GALNT15: variants seen among roughly 807,000 people sequenced by gnomAD.
GALNT15 encodes polypeptide N-acetylgalactosaminyltransferase 15.
In GALNT15, 67 loss-of-function variants were observed where a neutral mutation model predicts 66.8. The ratio of observed to expected loss-of-function variants is 1.00; its 90% confidence interval spans 0.82 to 1.23. The LOEUF (loss-of-function observed/expected upper bound fraction) is 1.23, where lower values mean the gene tolerates loss of function less well. Among genes scored for constraint, GALNT15 ranks in the 50% most tolerant of loss-of-function variants. The pLI is 0.00. For missense variants in GALNT15, 827 were observed against 804.3 expected, an observed-to-expected ratio of 1.03 and a Z score of -0.34; for synonymous variants, 313 against 311.5, an observed-to-expected ratio of 1.00 and a Z score of -0.05.
At chr3:16,239,313 C>T in the GALNT15 span, among the ~76,000 whole-genome samples, 2 of 152,128 alleles carry the variant, frequency 1.3e-5, no homozygotes, top group African/African-American at 2.4e-5. This position sits in a 1 kb window ranked among gnomAD's most constrained non-coding sequence, Gnocchi z 5.2. Flanking sequence ...GTTCTGCAAA[C>T]CAGGAAGTGG....
At chr3:16,226,557 G>A (rs1359908771) in intron 9 of GALNT15, among the ~76,000 whole-genome samples, 1 of 152,136 alleles carries the variant, frequency 6.6e-6, no homozygotes, top group Non-Finnish European at 1.5e-5. Context: ...GAAGGAGGAG[G>A]TGCTACACAC....
rs1254053132 is a variant in GALNT15, at chr3:16,224,028, A to C, written c.1773+1270A>C. The stretch of plus-strand genomic sequence containing the variant: ...CTTATGAGTCAAGTTAAGGTCCTTT[A>C]TAAATGATCATAAAGTATTTTTCTA... On this transcript the variant is annotated intron_variant, in intron 9 of 9. Transcript: ENST00000339732. The surrounding 1 kb of genome is among the most constrained non-coding windows in gnomAD (Gnocchi z 5.2). Among the ~76,000 whole-genome samples, 1 of 152,224 alleles carries C rather than the reference A, an allele frequency of 6.6e-6. No individual in the cohort carries two copies. Among genetic ancestry groups the C allele is most frequent in the East Asian group, 1.9e-4 (1 of 5,204 alleles).
In GALNT15 at chr3:16,227,408, G is replaced by A; in HGVS notation, c.1828G>A (p.Glu610Lys). 3 of 1,614,070 alleles carry A rather than the reference G, an allele frequency of 1.9e-6. No homozygotes were observed. Among genetic ancestry groups the A allele is most frequent in the Non-Finnish European group, 2.5e-6 (3 of 1,179,992 alleles). ...GAAATGCATGGAAGCTGTGGTGCAAGAAAACAATAAAGATTTGTACCTGCG... is the reference window on the plus strand; with the variant it reads ...GAAATGCATGGAAGCTGTGGTGCAAAAAAACAATAAAGATTTGTACCTGCG... ...SGKCMEAVVQ[E>K]NNKDLYLRPC... Residue 610 changes from glutamate (E) to lysine (K), a missense_variant, in exon 10 of 10, where the codon GAA (glutamate) becomes AAA (lysine). Physicochemically the swap from Glu to Lys is moderately conservative, Grantham distance 56 (BLOSUM62 1). Transcript: ENST00000339732. This position sits in a 1 kb window ranked among gnomAD's most constrained non-coding sequence, Gnocchi z 4.5.
chr3:16,190,920 C>T (rs2063570201), intron 1 of GALNT15, among the ~76,000 whole-genome samples: 1 of 152,198 alleles, frequency 6.6e-6, no homozygotes, highest in African/African-American at 2.4e-5. Flanking sequence ...CGGTTTACGT[C>T]TTGAAGGCTG....
chr3:16,232,465 AATAAATATATATATAT>A (rs1348622023), downstream of GALNT15, among the ~76,000 whole-genome samples: 3 of 28,642 alleles, frequency 1.0e-4, no homozygotes, highest in East Asian at 1.9e-3. Flanking sequence ...TAAATAAATA[AATAAATATATATATAT>A]ATATATATAT....
chr3:16,198,173 C>T (rs546001160), intron 2 of GALNT15, among the ~76,000 whole-genome samples: 1 of 142,102 alleles, frequency 7.0e-6, no homozygotes, highest in East Asian at 2.1e-4. Context: ...GGTGTGACAG[C>T]TCCACAATGC....
intron 6 of GALNT15, among the ~76,000 whole-genome samples, chr3:16,213,920 C>T (rs969279161): frequency 2.6e-5 from 4 of 152,246 alleles, no homozygotes; most frequent in Admixed American, 2.6e-4. Context: ...TGGGAATAGC[C>T]TCCAGGGCCT....
In GALNT15 at chr3:16,227,956, C is replaced by T. The variant is rs2064041059; in HGVS notation, c.*456C>T. The T allele has an allele frequency of 1.0e-6, 1 of 993,640 alleles. No homozygotes were observed. The highest frequency in any genetic ancestry group is 1.2e-6 in the Non-Finnish European group (1 of 835,580). 61.6% of individuals were successfully genotyped at this position (993,640 alleles called of 1,614,324 possible). A position where few individuals can be genotyped will look rare whatever the true frequency, so the allele number is the denominator to read the frequency against. On this transcript the variant is annotated 3_prime_UTR_variant, in exon 10 of 10. Transcript: ENST00000339732. This position sits in a 1 kb window ranked among gnomAD's most constrained non-coding sequence, Gnocchi z 4.5. ...GAAGCAGATGTAATGGCCTGACATT[C>T]CAAAAACTCTGAATTGGGTTTATTA...
chr3:16,223,691 C>CTTTTT (rs11293776), intron 9 of GALNT15, among the ~76,000 whole-genome samples: 1 of 124,652 alleles, frequency 8.0e-6, no homozygotes, highest in African/African-American at 3.0e-5. Flanking sequence ...TCAAAGAAGT[C>CTTTTT]TTTTTTTTTT....
Position 16,227,214 on chromosome 3 carries a change from A to C in GALNT15, c.1774-140A>C. The stretch of plus-strand genomic sequence containing the variant: ...ACCTAATTTATATTTTATGTTGATC[A>C]AAATACCACAATTCCTTTCCAGGCC... On this transcript the variant is annotated intron_variant, in intron 9 of 9. Coordinates refer to ENST00000339732, the MANE Select transcript of GALNT15 (RefSeq NM_054110.5). This position sits in a 1 kb window ranked among gnomAD's most constrained non-coding sequence, Gnocchi z 4.5. The C allele has an allele frequency of 1.1e-6, 1 of 907,856 alleles. No individual in the cohort carries two copies. Among genetic ancestry groups the C allele is most frequent in the East Asian group, 2.6e-5 (1 of 37,974 alleles). 56.2% of individuals were successfully genotyped at this position (907,856 alleles called of 1,614,324 possible).
the GALNT15 span, among the ~76,000 whole-genome samples, chr3:16,243,324 A>C: frequency 6.6e-6 from 1 of 152,230 alleles, no homozygotes; most frequent in East Asian, 1.9e-4. Context: ...AGGATGCGAC[A>C]CTGGACACCG....
At chr3:16,241,375 G>A in the GALNT15 span, among the ~76,000 whole-genome samples, 1 of 152,126 alleles carries the variant, frequency 6.6e-6, no homozygotes, top group Non-Finnish European at 1.5e-5. The surrounding 1 kb of genome is among the most constrained non-coding windows in gnomAD (Gnocchi z 4.6). Context: ...AGACACTGAA[G>A]AGGTCTTATT....
chr3:16,194,554 ATAG>A (rs1424267111), intron 1 of GALNT15, among the ~76,000 whole-genome samples: 2 of 152,228 alleles, frequency 1.3e-5, no homozygotes, highest in African/African-American at 4.8e-5. Flanking sequence ...AGCACTATTC[ATAG>A]TAGTGAAGTC....
At position 16,183,699 on chromosome 3, in the gene GALNT15, A is replaced by G. The variant is rs1325014813; in HGVS notation, c.539+8009A>G. Among the ~76,000 whole-genome samples the G allele has an allele frequency of 6.6e-6, 1 of 152,112 alleles. No homozygotes were observed. Among genetic ancestry groups the G allele is most frequent in the Admixed American group, 6.5e-5 (1 of 15,276 alleles). Reference sequence around the variant, plus strand: ...AAGCCTATCCGAGTGGGGCGCCTCCACTGATTTGATAGGAACTGGGAGTCA... The same window carrying G: ...AAGCCTATCCGAGTGGGGCGCCTCCGCTGATTTGATAGGAACTGGGAGTCA... On this transcript the variant is annotated intron_variant, in intron 1 of 9. Coordinates refer to ENST00000339732, the MANE Select transcript of GALNT15 (RefSeq NM_054110.5). This position sits in a 1 kb window ranked among gnomAD's most constrained non-coding sequence, Gnocchi z 5.2.
intron 1 of GALNT15, among the ~76,000 whole-genome samples, chr3:16,190,616 G>T (rs542712229): frequency 6.7e-5 from 10 of 148,906 alleles, no homozygotes; most frequent in Non-Finnish European, 1.3e-4. Context: ...CCAGCCTGGG[G>T]GACAGAGCGA....
chr3:16,233,369 A>T (rs941694852), downstream of GALNT15, among the ~76,000 whole-genome samples: 2 of 152,076 alleles, frequency 1.3e-5, no homozygotes, highest in African/African-American at 2.4e-5. Flanking sequence ...TGTTAGGATT[A>T]CAGGCGTGAG....
At chr3:16,234,551 G>A (rs567291785), downstream of GALNT15, among the ~76,000 whole-genome samples, 1 of 152,338 alleles carries the variant, frequency 6.6e-6, no homozygotes, top group African/African-American at 2.4e-5. Context: ...GTCACCCACA[G>A]TGGTAGCTGG....
intron 1 of GALNT15, among the ~76,000 whole-genome samples, chr3:16,185,893 G>A (rs1456505559): frequency 6.6e-6 from 1 of 152,192 alleles, no homozygotes. Flanking sequence ...AAATGGGAAA[G>A]TGTGTCCATG....
intron 6 of GALNT15, among the ~76,000 whole-genome samples, chr3:16,215,906 CAAAAAA>C (rs10611187): frequency 8.8e-5 from 9 of 102,628 alleles, no homozygotes; most frequent in Admixed American, 1.1e-4. Context: ...GAGACTCCGC[CAAAAAA>C]AAAAAAAAAA....
Sources: gnomAD v4.1 joint callset for allele counts (sites outside exome capture counted in the v4.1 genomes callset) on GRCh38, gnomAD v4.1.1 for gene constraint, Gnocchi (gnomAD v3.1) non-coding constraint, MANE v1.5 for transcripts, NCBI Gene and HGNC (gene_info 2026-07-23, HGNC 2026-07-21) for gene names.